The following GTSE1 variants were observed in gnomAD, a reference collection of about 807,000 sequenced individuals.
GTSE1 encodes the protein G2 and S phase-expressed protein 1.
A neutral mutation model predicts 60.5 loss-of-function variants in GTSE1; 52 were observed. That is an observed-to-expected ratio of 0.86 (90% CI 0.69 to 1.08). GTSE1 has a LOEUF of 1.08. GTSE1 is among the 50% of genes least tolerant of loss of function. The probability of loss-of-function intolerance (pLI) is 0.00; values close to 1 mark genes in which losing one functional copy is unlikely to be tolerated. For synonymous variants in GTSE1, 368 were observed against 386.5 expected, an observed-to-expected ratio of 0.95 and a Z score of 0.56; for missense variants, 937 against 961.8, an observed-to-expected ratio of 0.97 and a Z score of 0.34.
In GTSE1 at chr22:46,299,542, C is replaced by T. The variant is rs560711580; in HGVS notation, c.79+2063C>T. Among the ~76,000 whole-genome samples, 39 of 152,310 alleles carry T rather than the reference C, an allele frequency of 2.6e-4. 1 individual carries two copies. The South Asian group carries it at 7.9e-3, about 31-fold the overall frequency. On this transcript the variant is annotated intron_variant, in intron 2 of 11. Transcript: ENST00000454366. ...AGCTGAGAACCTCCTACATTCATGC[C>T]ATCACCAGCTAACGTCTTCTCCACC...
rs189043542 is a variant in GTSE1, at chr22:46,316,332, G to A, written c.1352G>A (p.Arg451Gln). Residue 451 changes from arginine to glutamine, a missense_variant, in exon 7 of 12, where the codon CGG (arginine) becomes CAG (glutamine). Arg to Gln is a conservative substitution (Grantham distance 43). Transcript: ENST00000454366. The surrounding 1 kb of genome is among the most constrained non-coding windows in gnomAD (Gnocchi z 5.0). Reference sequence around the variant, plus strand: ...TTGAATAAGACTAGAAGTATCAGACGGCGAGATTCCTGTCTAAATTCCAAG... The same window carrying A: ...TTGAATAAGACTAGAAGTATCAGACAGCGAGATTCCTGTCTAAATTCCAAG... ...SQLNKTRSIR[R>Q]RDSCLNSKTK... The A allele has an allele frequency of 3.9e-4, 624 of 1,612,700 alleles. 6 individuals are homozygous for A. The East Asian group carries it at 0.013, about 34-fold the overall frequency.
In GTSE1 at chr22:46,330,399, C is replaced by A; in HGVS notation, c.*269C>A. The stretch of plus-strand genomic sequence containing the variant: ...TGGGAGGCTGAAGTGGGAGGATGGC[C>A]TGAGCTCAAGGAGATGCAGGCTGCA... On this transcript the variant is annotated 3_prime_UTR_variant, in exon 12 of 12. Transcript: ENST00000454366. The surrounding 1 kb of genome is among the most constrained non-coding windows in gnomAD (Gnocchi z 6.0). 2.7e-6 allele frequency: 1 copy of A among 369,854 alleles called. No homozygotes were observed. Among genetic ancestry groups the A allele is most frequent in the Non-Finnish European group, 5.0e-6 (1 of 199,486 alleles). The allele number at this position is 369,854 out of a possible 1,614,324, so 22.9% of individuals were successfully genotyped here.
rs988830265 is a variant in GTSE1, at chr22:46,297,093, G to A, written c.-22+162G>A. Among the ~76,000 whole-genome samples the A allele has an allele frequency of 1.3e-5, 2 of 152,218 alleles. No homozygotes were observed. Among genetic ancestry groups the A allele is most frequent in the African/African-American group, 4.8e-5 (2 of 41,448 alleles). On this transcript the variant is annotated intron_variant, in intron 1 of 11. Coordinates refer to ENST00000454366, the MANE Select transcript of GTSE1 (RefSeq NM_016426.7). This position sits in a 1 kb window ranked among gnomAD's most constrained non-coding sequence, Gnocchi z 4.9. ...CCTCGCGCCGTGGTCGGGGATGCCG[G>A]GAGGTCTAGGGCTGCCCCCCAGGCA...
chr22:46,305,436 C>T (rs907075826), intron 2 of GTSE1, among the ~76,000 whole-genome samples: 2 of 151,784 alleles, frequency 1.3e-5, no homozygotes, highest in Non-Finnish European at 2.9e-5. Context: ...TGTGAAACCC[C>T]GTCTCTACTA....
chr22:46,319,426 G>A lies in GTSE1; in HGVS notation c.1432+3014G>A, dbSNP rs1163130556. ...GCTGGAGCGCTGCGGTCTGCCTGACGTTCTGGTAGCTTAGGGCTCATGTGG... is the reference window on the plus strand; with the variant it reads ...GCTGGAGCGCTGCGGTCTGCCTGACATTCTGGTAGCTTAGGGCTCATGTGG... On this transcript the variant is annotated intron_variant, in intron 7 of 11. Transcript: ENST00000454366. The surrounding 1 kb of genome is among the most constrained non-coding windows in gnomAD (Gnocchi z 5.0). Among the ~76,000 whole-genome samples, 3 of 152,166 alleles carry A rather than the reference G, an allele frequency of 2.0e-5. No homozygotes were observed. The highest frequency in any genetic ancestry group is 2.9e-5 in the Non-Finnish European group (2 of 68,014).
Position 46,308,432 on chromosome 22 carries a change from CTG to C in GTSE1, c.252_253del (p.Pro87LeufsTer26). On this transcript the variant is annotated frameshift_variant, in exon 4 of 12. Transcript: ENST00000454366. LOFTEE classifies it high-confidence loss of function. ...CCCGAACAGCCTCCGTTGCCCACAT[CTG>C]AGAGTCCCTTTGCCTGGAGCCCTCT... 1 of 1,614,228 alleles carries C rather than the reference CTG, an allele frequency of 6.2e-7. No homozygotes were observed. Among genetic ancestry groups the C allele is most frequent in the South Asian group, 1.1e-5 (1 of 91,084 alleles).
rs575326966 is a variant in GTSE1 at position 46,323,778 on chromosome 22, C to G, written c.1505+516C>G. ...TCTCGGCTCACTGCAAACTCCACCT[C>G]CCGGGTTCACGCCATTCTCCTGCCT... On this transcript the variant is annotated intron_variant, in intron 8 of 11. Coordinates refer to ENST00000454366, the MANE Select transcript of GTSE1 (RefSeq NM_016426.7). 4.3e-4 allele frequency among the ~76,000 whole-genome samples: 65 copies of G among 152,258 alleles called. No individual in the cohort carries two copies. The Middle Eastern group carries it at 0.017, about 40-fold the overall frequency.
Position 46,329,313 on chromosome 22 carries a change from C to T in GTSE1, c.1927-45C>T, listed in dbSNP as rs1306637123. On this transcript the variant is annotated intron_variant, in intron 10 of 11. Coordinates refer to ENST00000454366, the MANE Select transcript of GTSE1 (RefSeq NM_016426.7). This position sits in a 1 kb window ranked among gnomAD's most constrained non-coding sequence, Gnocchi z 6.4. ...GCTCACATTCTCCCAAGATGGTTGC[C>T]AGAAAGATGCTGGACTCTGCTCTTA... The T allele has an allele frequency of 6.9e-7, 1 of 1,454,912 alleles. No individual in the cohort carries two copies. The highest frequency in any genetic ancestry group is 1.4e-5 in the African/African-American group (1 of 71,704). The allele number at this position is 1,454,912 out of a possible 1,614,324, so 90.1% of individuals were successfully genotyped here.
chr22:46,325,119 G>T (rs1441019764), intron 8 of GTSE1, among the ~76,000 whole-genome samples: 1 of 152,188 alleles, frequency 6.6e-6, no homozygotes, highest in Non-Finnish European at 1.5e-5. Flanking sequence ...TCTGGTGAGG[G>T]CCTGTTTCCC....
intron 2 of GTSE1, among the ~76,000 whole-genome samples, chr22:46,302,920 G>T (rs557764210): frequency 3.8e-3 from 447 of 116,382 alleles, no homozygotes; most frequent in Middle Eastern, 0.026. Context: ...TTTTCTTTGA[G>T]TTGGAGTCTT....
intron 9 of GTSE1, among the ~76,000 whole-genome samples, chr22:46,328,225 C>G (rs1265877677): frequency 6.6e-6 from 1 of 152,164 alleles, no homozygotes; most frequent in Non-Finnish European, 1.5e-5. Flanking sequence ...GCAGCCTGTA[C>G]CTGGGGCCTC....
At chr22:46,325,695 G>A (rs572222550) in intron 8 of GTSE1, among the ~76,000 whole-genome samples, 4 of 152,328 alleles carry the variant, frequency 2.6e-5, no homozygotes, top group African/African-American at 9.6e-5. Context: ...TGAGGCTTTG[G>A]CTCCATGACC....
At position 46,329,279 on chromosome 22, in the gene GTSE1, A is replaced by G; in HGVS notation, c.1927-79A>G. The G allele has an allele frequency of 8.3e-7, 1 of 1,209,112 alleles. No homozygotes were observed. Among genetic ancestry groups the G allele is most frequent in the South Asian group, 1.2e-5 (1 of 82,776 alleles). 74.9% of individuals were successfully genotyped at this position (1,209,112 alleles called of 1,614,324 possible). ...TCCAAACCGCCAGCCCACCTGGAAC[A>G]TGAGCAAAGCTCACATTCTCCCAAG... On this transcript the variant is annotated intron_variant, in intron 10 of 11. Coordinates refer to ENST00000454366, the MANE Select transcript of GTSE1 (RefSeq NM_016426.7). The surrounding 1 kb of genome is among the most constrained non-coding windows in gnomAD (Gnocchi z 6.4).
Position 46,318,033 on chromosome 22 carries a change from C to T in GTSE1, c.1432+1621C>T, listed in dbSNP as rs1193640051. ...GCTCGTTCTGTCGGAGTAGCCCCCT[C>T]CTCTCTAGTTTCTGGCCCTCAGATT... On this transcript the variant is annotated intron_variant, in intron 7 of 11. Transcript: ENST00000454366. The surrounding 1 kb of genome is among the most constrained non-coding windows in gnomAD (Gnocchi z 4.8). Among the ~76,000 whole-genome samples the T allele has an allele frequency of 6.6e-6, 1 of 152,260 alleles. No homozygotes were observed. The highest frequency in any genetic ancestry group is 6.5e-5 in the Admixed American group (1 of 15,290).
rs1202480943 is a variant in GTSE1 at position 46,297,201 on chromosome 22, C to T, written c.-21-179C>T. ...GCGTTCGGGCTGACTCCCGGCCTGG[C>T]GGCACTCGGGCCCTGGGGTCCCCTG... On this transcript the variant is annotated intron_variant, in intron 1 of 11. Transcript: ENST00000454366. This position sits in a 1 kb window ranked among gnomAD's most constrained non-coding sequence, Gnocchi z 4.9. 6.6e-6 allele frequency among the ~76,000 whole-genome samples: 1 copy of T among 152,214 alleles called. No individual in the cohort carries two copies. Among genetic ancestry groups the T allele is most frequent in the Non-Finnish European group, 1.5e-5 (1 of 68,036 alleles).
chr22:46,308,273 A>G, intron 3 of GTSE1, 46 bp from the exon 4 acceptor site: 1 of 1,607,416 alleles, frequency 6.2e-7, no homozygotes, highest in East Asian at 2.2e-5. Flanking sequence ...TTTCCTTTAA[A>G]TGCCAGTGTT....
chr22:46,306,976 C>T (rs1042197100), intron 2 of GTSE1, among the ~76,000 whole-genome samples: 2 of 152,102 alleles, frequency 1.3e-5, no homozygotes, highest in Non-Finnish European at 2.9e-5. Context: ...TAGTTGGGGC[C>T]ATAGAAGGGT....
chr22:46,314,508 C>T lies in GTSE1; in HGVS notation c.1051+495C>T, dbSNP rs1471427943. Among the ~76,000 whole-genome samples, 1 of 152,108 alleles carries T rather than the reference C, an allele frequency of 6.6e-6. No homozygotes were observed. The highest frequency in any genetic ancestry group is 1.9e-4 in the East Asian group (1 of 5,176). On this transcript the variant is annotated intron_variant, in intron 6 of 11. Transcript: ENST00000454366. The surrounding 1 kb of genome is among the most constrained non-coding windows in gnomAD (Gnocchi z 7.1). ...GCCTTTCTGCTCTTCAGAGCGAAAT[C>T]CTCTTCGAGGTGCATTGGCCATGTG... is the stretch of plus-strand genomic sequence containing the variant.
rs1327911450 is a variant in GTSE1, at chr22:46,321,779, T to A, written c.1433-1411T>A. ...GAGTCACTTTGATAGAGGTGATTTT[T>A]AAAAGAATAGGAGAGGCTGGGGCAG... On this transcript the variant is annotated intron_variant, in intron 7 of 11. Transcript: ENST00000454366. This position sits in a 1 kb window ranked among gnomAD's most constrained non-coding sequence, Gnocchi z 4.0. 2.6e-5 allele frequency among the ~76,000 whole-genome samples: 4 copies of A among 152,072 alleles called. No individual in the cohort carries two copies. Among genetic ancestry groups the A allele is most frequent in the Non-Finnish European group, 5.9e-5 (4 of 68,000 alleles).
Sources: allele counts gnomAD v4.1 joint callset (sites outside exome capture counted in the v4.1 genomes callset), GRCh38; gene constraint gnomAD v4.1.1; non-coding constraint Gnocchi (gnomAD v3.1); transcripts MANE v1.5; gene names NCBI Gene and HGNC (gene_info 2026-07-23, HGNC 2026-07-21).